BTK: variants seen among roughly 807,000 people sequenced by gnomAD.
BTK encodes Bruton tyrosine kinase, also known as tyrosine-protein kinase BTK.
BTK carries 5 observed loss-of-function variants against 57.4 expected under a neutral mutation model. The ratio of observed to expected loss-of-function variants is 0.09; its 90% confidence interval spans 0.05 to 0.18. The LOEUF is 0.18. Ranked by LOEUF, BTK falls within the 10% of genes least tolerant of loss-of-function variation. BTK has a pLI of 1.00. For missense variants in BTK, 194 were observed against 501.2 expected, an observed-to-expected ratio of 0.39 and a Z score of 5.85; for synonymous variants, 154 against 174.3, an observed-to-expected ratio of 0.88 and a Z score of 0.92.
chrX:101,361,627 C>G (rs1555978676), intron 7 of BTK, among the ~76,000 whole-genome samples: 1 of 111,174 alleles, frequency 9.0e-6, no homozygotes, highest in Non-Finnish European at 1.9e-5. Context: ...TTTGAAAATA[C>G]TTTCCAGCTG....
chrX:101,390,453 T>C (rs1555983054), upstream of BTK: 1 of 514,838 alleles, frequency 1.9e-6, no homozygotes, highest in Admixed American at 2.6e-5. Flanking sequence ...AATTGCACAT[T>C]TATAAGCCTA....
intron 3 of BTK, among the ~76,000 whole-genome samples, chrX:101,372,068 G>C (rs1927052013): frequency 8.9e-6 from 1 of 111,765 alleles, no homozygotes; most frequent in Non-Finnish European, 1.9e-5. Flanking sequence ...ATAAAACTAT[G>C]AATGACTGAG....
At chrX:101,374,397 G>A (rs1369348948) in intron 3 of BTK, 139 bp downstream of exon 3, 3 of 549,495 alleles carry the variant, frequency 5.5e-6, no homozygotes, top group Non-Finnish European at 9.7e-6. Flanking sequence ...TAACCAATAT[G>A]GTAGAGTGAA....
Position 101,355,744 on chromosome X carries a change from G to A in BTK, c.1566+308C>T, listed in dbSNP as rs782796202. The A allele has an allele frequency of 1.8e-4, 64 of 352,125 alleles. No individual in the cohort carries two copies. In the South Asian group the frequency reaches 2.4e-3, roughly 13 times the overall value. The allele number at this position is 352,125 out of a possible 1,213,427, so 29.0% of individuals were successfully genotyped here. ...CCCATGCCAGGAGCAGTCCCATTGG[G>A]AAGCACAGTCCCTTCTGTTCCAAAT... On this transcript the variant is annotated intron_variant, in intron 15 of 18. Coordinates refer to ENST00000308731, the MANE Select transcript of BTK (RefSeq NM_000061.3).
chrX:101,353,728 G>A, intron 17 of BTK, 142 bp downstream of exon 17: 1 of 587,700 alleles, frequency 1.7e-6, no homozygotes, highest in Non-Finnish European at 2.9e-6. Flanking sequence ...CCCCTGTGGT[G>A]GCTGACACAC....
At chrX:101,385,128 A>G (rs782743881) in intron 1 of BTK, among the ~76,000 whole-genome samples, 7 of 111,785 alleles carry the variant, frequency 6.3e-5, no homozygotes, top group African/African-American at 1.9e-4. Context: ...AAGGGAAAAG[A>G]GCGGGGGAAG....
At chrX:101,362,463 T>A (rs1400680159) in intron 6 of BTK, 98 bp downstream of exon 6, 6 of 1,159,265 alleles carry the variant, frequency 5.2e-6, no homozygotes, top group Non-Finnish European at 7.1e-6. Context: ...GCACCCAAAG[T>A]GTACAACCTT....
At chrX:101,359,434 G>T in intron 9 of BTK, 87 bp from the exon 10 acceptor site, 1 of 914,919 alleles carries the variant, frequency 1.1e-6, no homozygotes, top group Non-Finnish European at 1.6e-6. Context: ...CCATGTCAGT[G>T]ATTCAGTCAA....
intron 7 of BTK, 61 bp downstream of exon 7, chrX:101,362,112 T>A: frequency 9.0e-7 from 1 of 1,111,348 alleles, no homozygotes; most frequent in Non-Finnish European, 1.2e-6. Context: ...TCTAGTGTGT[T>A]CTTAGGGCTT....
intron 5 of BTK, among the ~76,000 whole-genome samples, chrX:101,364,996 C>T (rs1164984488): frequency 1.8e-5 from 2 of 111,719 alleles, no homozygotes; most frequent in African/African-American, 6.5e-5. Flanking sequence ...CGCCCCCCAT[C>T]GCCCCTCAAA....
Position 101,355,690 on chromosome X carries a change from A to G in BTK, c.1566+362T>C, listed in dbSNP as rs375516434. On this transcript the variant is annotated intron_variant, in intron 15 of 18. Transcript: ENST00000308731. ...GCCAAATGCATCCACAGGCCCCAGTATGTGACTCTGAAGGAACCAAATGAT... is the reference window on the plus strand; with the variant it reads ...GCCAAATGCATCCACAGGCCCCAGTGTGTGACTCTGAAGGAACCAAATGAT... 1.8e-4 allele frequency: 48 copies of G among 261,750 alleles called. 3 individuals carry two copies. In the East Asian group the frequency reaches 1.9e-3, roughly 10 times the overall value. The allele number at this position is 261,750 out of a possible 1,213,427, so 21.6% of individuals were successfully genotyped here.
intron 5 of BTK, among the ~76,000 whole-genome samples, chrX:101,367,201 G>A (rs1555979556): frequency 1.9e-5 from 2 of 105,992 alleles, no homozygotes; most frequent in Non-Finnish European, 3.9e-5. Flanking sequence ...CCAACATCAC[G>A]TCACTCTACT....
intron 1 of BTK, among the ~76,000 whole-genome samples, chrX:101,382,814 C>A (rs1327726893): frequency 9.0e-6 from 1 of 110,982 alleles, no homozygotes; most frequent in Non-Finnish European, 1.9e-5. Context: ...TCTTTTTCAA[C>A]CTAGTTTTTG....
chrX:101,387,983 C>G (rs913861860), upstream of BTK, among the ~76,000 whole-genome samples: 24 of 109,893 alleles, frequency 2.2e-4, no homozygotes, highest in African/African-American at 7.0e-4. Context: ...TGTCCTGCCT[C>G]AGTCTCCTGA....
chrX:101,374,741 G>A (rs1927152049), intron 2 of BTK, 107 bp from the exon 3 acceptor site: 1 of 696,201 alleles, frequency 1.4e-6, no homozygotes. Context: ...GTGGCACCAG[G>A]ACCTGTCATG....
upstream of BTK, chrX:101,390,671 C>T (rs1555983148): frequency 2.1e-6 from 1 of 476,818 alleles, no homozygotes; most frequent in African/African-American, 2.3e-5. Context: ...GTGGAGGACC[C>T]CTTCATTCGA....
chrX:101,363,547 C>T (rs1366083781), intron 5 of BTK, among the ~76,000 whole-genome samples: 1 of 109,406 alleles, frequency 9.1e-6, no homozygotes, highest in Non-Finnish European at 1.9e-5. Context: ...GGTGAAACCC[C>T]GTCTCCACTA....
chrX:101,359,201 C>A, intron 10 of BTK, 92 bp downstream of exon 10: 1 of 1,000,864 alleles, frequency 1.0e-6, no homozygotes, highest in Non-Finnish European at 1.4e-6. Flanking sequence ...TTTGACACTG[C>A]CTTGCCCAAA....
chrX:101,360,864 A>C, intron 7 of BTK, 109 bp from the exon 8 acceptor site: 1 of 770,743 alleles, frequency 1.3e-6, no homozygotes, highest in Non-Finnish European at 2.0e-6. Context: ...GCATACTAAA[A>C]TATTACTCAG....
Sources: gnomAD v4.1 joint callset for allele counts (sites outside exome capture counted in the v4.1 genomes callset) on GRCh38, gnomAD v4.1.1 for gene constraint, MANE v1.5 for transcripts, NCBI Gene and HGNC (gene_info 2026-07-23, HGNC 2026-07-21) for gene names.